The following IQCM variants were observed in gnomAD, a reference collection of about 807,000 sequenced individuals.
IQCM encodes the protein IQ motif containing M, also known as IQ domain-containing protein M.
Under a neutral mutation model 57.6 loss-of-function variants are expected in IQCM, and 45 were observed. The ratio of observed to expected loss-of-function variants is 0.78; its 90% CI spans 0.62 to 1.00. IQCM has a LOEUF of 1.00. IQCM is among the 50% of genes least tolerant of loss of function. IQCM has a pLI of 0.00. For synonymous variants in IQCM, 148 were observed against 158.9 expected (o/e 0.93, Z 0.51); for missense variants, 468 against 511.6 (o/e 0.91, Z 0.82).
chr4:149,408,655 T>C (rs901392135), intron 13 of IQCM, among the ~76,000 whole-genome samples: 8 of 152,236 alleles, frequency 5.3e-5, no homozygotes, highest in Non-Finnish European at 1.0e-4. Context: ...ATTATTATCC[T>C]CAGTATGTTT....
At chr4:149,491,861 A>G (rs1742126784) in intron 12 of IQCM, among the ~76,000 whole-genome samples, 1 of 151,942 alleles carries the variant, frequency 6.6e-6, no homozygotes, top group Non-Finnish European at 1.5e-5. Flanking sequence ...ATACTAATTT[A>G]TATCTCTACC....
chr4:149,721,614 G>T (rs992726950), intron 5 of IQCM, among the ~76,000 whole-genome samples: 1 of 152,036 alleles, frequency 6.6e-6, no homozygotes, highest in African/African-American at 2.4e-5. Context: ...TGCTGCAAAA[G>T]ACATTATTCT....
chr4:149,756,626 ATATGTT>A (rs1768991407), intron 2 of IQCM, among the ~76,000 whole-genome samples: 1 of 152,190 alleles, frequency 6.6e-6, no homozygotes, highest in Non-Finnish European at 1.5e-5. Context: ...ATGCTTATAA[ATATGTT>A]TATGTTTATA....
At chr4:149,524,296 A>G (rs1433944292) in intron 12 of IQCM, among the ~76,000 whole-genome samples, 1 of 152,076 alleles carries the variant, frequency 6.6e-6, no homozygotes, top group East Asian at 1.9e-4. Flanking sequence ...GGGCAATGAA[A>G]ATGTTCTATA....
In IQCM at chr4:149,351,862, A is replaced by G. The variant is rs982555224; in HGVS notation, c.*89T>C. The G allele has an allele frequency of 4.3e-5, 17 of 396,954 alleles. 1 individual carries two copies. The Admixed American group carries it at 7.1e-4, about 16-fold the overall frequency. The allele number at this position is 396,954 out of a possible 1,614,324, so 24.6% of individuals were successfully genotyped here. A position where few individuals can be genotyped will look rare whatever the true frequency, so the allele number is the denominator to read the frequency against. ...TCAAAGATTTTTATCCTTTCTTCCTACTCATACAGAATTGATCCACCTCCA... is the reference window on the plus strand; with the variant it reads ...TCAAAGATTTTTATCCTTTCTTCCTGCTCATACAGAATTGATCCACCTCCA... On this transcript the variant is annotated 3_prime_UTR_variant, in exon 14 of 14. Transcript: ENST00000636793.
intron 12 of IQCM, among the ~76,000 whole-genome samples, chr4:149,544,349 T>TA (rs1314397136): frequency 1.3e-5 from 2 of 152,154 alleles, no homozygotes; most frequent in Non-Finnish European, 2.9e-5. Flanking sequence ...AGTAATAAAT[T>TA]TAACCCAAGA....
At chr4:149,601,995 A>G (rs1015190176) in intron 8 of IQCM, among the ~76,000 whole-genome samples, 4 of 149,504 alleles carry the variant, frequency 2.7e-5, no homozygotes, top group Non-Finnish European at 5.9e-5. Flanking sequence ...CGGAGCTTAC[A>G]GTGAGCCAAG....
At chr4:149,666,477 GT>G (rs928511569) in intron 7 of IQCM, among the ~76,000 whole-genome samples, 4 of 152,090 alleles carry the variant, frequency 2.6e-5, no homozygotes, top group Non-Finnish European at 4.4e-5. Context: ...AGGGCCCTGG[GT>G]TTCAAGCACA....
In IQCM at chr4:149,553,469, C is replaced by A. The variant is rs575808353; in HGVS notation, c.949-182G>T. On this transcript the variant is annotated intron_variant, in intron 10 of 13. Transcript: ENST00000636793. ...TAATCTCCCTGAAGTTCAGAGATTT[C>A]CATTATGAATTGCTTTGTCATTATA... Among the ~76,000 whole-genome samples, 28 of 152,272 alleles carry A rather than the reference C, an allele frequency of 1.8e-4. No individual in the cohort carries two copies. In the South Asian group the frequency reaches 5.4e-3, roughly 29 times the overall value.
At chr4:149,437,808 G>A (rs1283021894) in intron 12 of IQCM, among the ~76,000 whole-genome samples, 1 of 152,098 alleles carries the variant, frequency 6.6e-6, no homozygotes, top group African/African-American at 2.4e-5. Flanking sequence ...TCCTTTGTAT[G>A]TATTACCGAA....
At chr4:149,561,747 CTA>C (rs1750141056) in intron 10 of IQCM, among the ~76,000 whole-genome samples, 1 of 152,080 alleles carries the variant, frequency 6.6e-6, no homozygotes, top group Non-Finnish European at 1.5e-5. Flanking sequence ...GTCTGTGGTG[CTA>C]TGAATAGAAA....
At chr4:149,473,943 G>C (rs1739881711) in intron 12 of IQCM, among the ~76,000 whole-genome samples, 1 of 152,116 alleles carries the variant, frequency 6.6e-6, no homozygotes, top group Admixed American at 6.6e-5. Context: ...ATTGGACACA[G>C]GGTGGGGAAC....
chr4:149,798,395 A>G (rs1773310377), intron 2 of IQCM, among the ~76,000 whole-genome samples: 1 of 152,034 alleles, frequency 6.6e-6, no homozygotes, highest in South Asian at 2.1e-4. Context: ...AGAGAAAATC[A>G]CCTTCACTAA....
At chr4:149,593,748 A>C (rs1280195319) in intron 8 of IQCM, among the ~76,000 whole-genome samples, 4 of 151,904 alleles carry the variant, frequency 2.6e-5, no homozygotes, top group African/African-American at 9.7e-5. Context: ...TGTTTATAGG[A>C]TGGATTATGT....
At chr4:149,465,381 G>A (rs940513200) in intron 12 of IQCM, among the ~76,000 whole-genome samples, 3 of 152,130 alleles carry the variant, frequency 2.0e-5, no homozygotes, top group Admixed American at 6.6e-5. Flanking sequence ...ACAATAGGAT[G>A]ATATTAGGAG....
At chr4:149,658,400 C>G (rs1277843209) in intron 7 of IQCM, among the ~76,000 whole-genome samples, 2 of 152,018 alleles carry the variant, frequency 1.3e-5, no homozygotes, top group Non-Finnish European at 2.9e-5. Flanking sequence ...GTTTTGGTTA[C>G]TAAAGCTTTG....
chr4:149,443,592 C>G (rs1266822449), intron 12 of IQCM, among the ~76,000 whole-genome samples: 1 of 148,944 alleles, frequency 6.7e-6, no homozygotes, highest in African/African-American at 2.5e-5. Flanking sequence ...AAATGAAATA[C>G]TAAGTCTTGT....
chr4:149,527,640 T>C (rs1447120559), intron 12 of IQCM, among the ~76,000 whole-genome samples: 2 of 152,204 alleles, frequency 1.3e-5, no homozygotes, highest in South Asian at 2.1e-4. Flanking sequence ...CCTGTTGAAT[T>C]TCAGTATGTA....
At chr4:149,623,064 G>C (rs1342527713) in intron 7 of IQCM, among the ~76,000 whole-genome samples, 1 of 152,070 alleles carries the variant, frequency 6.6e-6, no homozygotes, top group African/African-American at 2.4e-5. Flanking sequence ...AAATGTCTGA[G>C]ATGATAAATA....
Sources: allele counts gnomAD v4.1 joint callset (sites outside exome capture counted in the v4.1 genomes callset), GRCh38; gene constraint gnomAD v4.1.1; transcripts MANE v1.5; gene names NCBI Gene and HGNC (gene_info 2026-07-23, HGNC 2026-07-21).